MITF: variants seen among roughly 807,000 people sequenced by gnomAD.
MITF encodes the protein microphthalmia-associated transcription factor.
In MITF, 17 loss-of-function variants were observed where a neutral mutation model predicts 60.5. That is an observed-to-expected ratio of 0.28 (90% confidence interval 0.19 to 0.42). The LOEUF (loss-of-function observed/expected upper bound fraction) is 0.42, where lower values mean the gene tolerates loss of function less well. MITF is among the 10% of genes least tolerant of loss of function. The pLI is 1.00. For missense variants in MITF, 622 were observed against 683.5 expected, an observed-to-expected ratio of 0.91 and a Z score of 1.00; for synonymous variants, 260 against 248.5, an observed-to-expected ratio of 1.05 and a Z score of -0.43.
intron 1 of MITF, among the ~76,000 whole-genome samples, chr3:69,772,998 T>C (rs760184459): frequency 1.3e-5 from 2 of 152,080 alleles, no homozygotes; most frequent in Non-Finnish European, 2.9e-5. Context: ...CTGGTAAGTG[T>C]TATAGAGAAC....
chr3:69,789,859 AAAAC>A (rs748928735), intron 1 of MITF, among the ~76,000 whole-genome samples: 17 of 152,276 alleles, frequency 1.1e-4, no homozygotes, highest in Admixed American at 3.3e-4. Context: ...GTGTCTCAGA[AAAAC>A]AAACAAACAA....
At chr3:69,926,667 G>T (rs556520739) in intron 2 of MITF, among the ~76,000 whole-genome samples, 10 of 152,218 alleles carry the variant, frequency 6.6e-5, no homozygotes, top group East Asian at 5.8e-4. Flanking sequence ...CTCCCATGGT[G>T]GGGGGGATCT....
chr3:69,938,913 A>C, intron 3 of MITF, 185 bp from the exon 4 acceptor site: 3 of 1,474,768 alleles, frequency 2.0e-6, no homozygotes, highest in Non-Finnish European at 2.7e-6. Context: ...CTCTACCCAA[A>C]TTTGTCATCT....
intron 4 of MITF, among the ~76,000 whole-genome samples, chr3:69,939,471 A>G (rs914744424): frequency 2.0e-5 from 3 of 152,080 alleles, no homozygotes; most frequent in Admixed American, 6.6e-5. Flanking sequence ...AACATAATCC[A>G]TATATGTTAT....
rs142812404 is a variant in MITF at position 69,763,978 on chromosome 3, A to G, written c.104+24277A>G. ...TGATAACCAAAGTACCTCAGTTTAC[A>G]GGTTCTTATATAGCATGTTTTTTAA... On this transcript the variant is annotated intron_variant, in intron 1 of 9. Coordinates refer to ENST00000352241, the MANE Select transcript of MITF (RefSeq NM_001354604.2). 1,111 of 1,324,122 alleles carry G rather than the reference A, an allele frequency of 8.4e-4. 7 individuals are homozygous for G. Among genetic ancestry groups the G allele is most frequent in the Middle Eastern group, 6.8e-3 (33 of 4,850 alleles). 82.0% of individuals were successfully genotyped at this position (1,324,122 alleles called of 1,614,324 possible).
intron 1 of MITF, among the ~76,000 whole-genome samples, chr3:69,814,636 A>T (rs1034753291): frequency 6.6e-6 from 1 of 151,918 alleles, no homozygotes; most frequent in African/African-American, 2.4e-5. Context: ...TATCTTTTTT[A>T]ACTTGCCAGC....
At chr3:69,860,067 T>G (rs1350583176) in intron 1 of MITF, among the ~76,000 whole-genome samples, 1 of 152,202 alleles carries the variant, frequency 6.6e-6, no homozygotes, top group African/African-American at 2.4e-5. Context: ...TCTCCAACTT[T>G]GTGTTGTCTC....
intron 1 of MITF, among the ~76,000 whole-genome samples, chr3:69,750,471 C>CT (rs199909971): frequency 0.013 from 1,634 of 123,810 alleles, 19 homozygotes; most frequent in African/African-American, 0.042. Flanking sequence ...AGTGACACTC[C>CT]TTTTTTTTTT....
At chr3:69,877,644 T>G (rs1357331710) in intron 1 of MITF, among the ~76,000 whole-genome samples, 1 of 152,182 alleles carries the variant, frequency 6.6e-6, no homozygotes, top group Non-Finnish European at 1.5e-5. Context: ...ATAAGCGAAC[T>G]GTTAAATTGT....
At chr3:69,826,264 T>G (rs9872200) in intron 1 of MITF, among the ~76,000 whole-genome samples, 51,253 of 152,072 alleles carry the variant, frequency 0.34, 9,667 homozygotes, top group Non-Finnish European at 0.43. Context: ...TAATTTTGCC[T>G]GTCTTGTCCT....
At chr3:69,955,420 CTT>C (rs2066372309) in intron 7 of MITF, among the ~76,000 whole-genome samples, 1 of 152,068 alleles carries the variant, frequency 6.6e-6, no homozygotes, top group East Asian at 1.9e-4. Context: ...AAAATTTAAA[CTT>C]ATATGTAAAT....
intron 2 of MITF, among the ~76,000 whole-genome samples, chr3:69,880,557 C>G (rs1301128106): frequency 6.6e-6 from 1 of 151,976 alleles, no homozygotes; most frequent in Non-Finnish European, 1.5e-5. Flanking sequence ...TGGATATTGC[C>G]ACAGTTAATG....
intron 1 of MITF, among the ~76,000 whole-genome samples, chr3:69,877,792 C>A (rs1238243028): frequency 6.6e-6 from 1 of 152,116 alleles, no homozygotes; most frequent in East Asian, 1.9e-4. Flanking sequence ...TTTAAGGCTT[C>A]ATTTTGCCTT....
intron 5 of MITF, among the ~76,000 whole-genome samples, chr3:69,943,919 C>T (rs1007390867): frequency 2.6e-5 from 4 of 151,808 alleles, no homozygotes; most frequent in Non-Finnish European, 5.9e-5. Flanking sequence ...AGAGAGAATC[C>T]GTCTCTGTAA....
intron 1 of MITF, among the ~76,000 whole-genome samples, chr3:69,811,846 G>A (rs1347730643): frequency 6.6e-6 from 1 of 152,188 alleles, no homozygotes; most frequent in African/African-American, 2.4e-5. Flanking sequence ...GTGAGGCAAG[G>A]TGCATGCACA....
At chr3:69,955,616 C>G (rs1475235120) in intron 7 of MITF, among the ~76,000 whole-genome samples, 1 of 151,966 alleles carries the variant, frequency 6.6e-6, no homozygotes, top group African/African-American at 2.4e-5. Context: ...GAGCTCGAGA[C>G]CAACCTGGCC....
intron 1 of MITF, among the ~76,000 whole-genome samples, chr3:69,796,672 A>G (rs1250058071): frequency 6.6e-6 from 1 of 151,238 alleles, no homozygotes; most frequent in Non-Finnish European, 1.5e-5. Flanking sequence ...GCGCCCGGCT[A>G]ATTTTTTGTA....
chr3:69,951,981 C>T, intron 7 of MITF, 95 bp downstream of exon 7: 1 of 898,082 alleles, frequency 1.1e-6, no homozygotes. Flanking sequence ...GAGTTGATTC[C>T]TACAGCTGTT....
intron 1 of MITF, among the ~76,000 whole-genome samples, chr3:69,800,451 C>T (rs1458553744): frequency 6.6e-6 from 1 of 151,984 alleles, no homozygotes; most frequent in African/African-American, 2.4e-5. Context: ...GAGTATTTAC[C>T]TAAGAGCGGA....
Sources: allele counts gnomAD v4.1 joint callset (sites outside exome capture counted in the v4.1 genomes callset), GRCh38; gene constraint gnomAD v4.1.1; transcripts MANE v1.5; gene names NCBI Gene and HGNC (gene_info 2026-07-23, HGNC 2026-07-21).